APEX1: variants seen among roughly 807,000 people sequenced by gnomAD.
The protein encoded by APEX1 is DNA repair nuclease/redox regulator APEX1.
In APEX1, 32 loss-of-function variants were observed where a neutral mutation model predicts 33.2. The observed-to-expected ratio is 0.96, with a 90% CI of 0.73 to 1.29. The LOEUF is 1.29. APEX1 is among the 50% of genes most tolerant of loss of function. The pLI is 0.00. For synonymous variants in APEX1, 175 were observed against 156.6 expected (o/e 1.12, Z -0.88); for missense variants, 442 against 395.6 (o/e 1.12, Z -0.99).
In APEX1 at chr14:20,455,614, G is replaced by T. The variant is rs775333541; in HGVS notation, c.-32G>T. On this transcript the variant is annotated 5_prime_UTR_variant, in exon 2 of 5. Transcript: ENST00000216714. ...AAAATATTGCTTCGGTGGGTGACGC[G>T]GTACAGCTGCCCAAGGGCGTTCGTA... 4.3e-6 allele frequency: 7 copies of T among 1,612,602 alleles called. No homozygotes were observed. Among genetic ancestry groups the T allele is most frequent in the Non-Finnish European group, 5.9e-6 (7 of 1,180,028 alleles).
chr14:20,456,697 G>A lies in APEX1; in HGVS notation c.276G>A (p.Leu92=). The A allele has an allele frequency of 1.2e-6, 2 of 1,614,204 alleles. No homozygotes were observed. The highest frequency in any genetic ancestry group is 1.7e-6 in the Non-Finnish European group (2 of 1,180,040). Residue 92 remains leucine (L), a synonymous_variant, in exon 4 of 5, where the codon CTG becomes CTA. Coordinates refer to ENST00000216714, the MANE Select transcript of APEX1 (RefSeq NM_001641.4). The stretch of plus-strand genomic sequence containing the variant: ...TAAAGGAAGAAGCCCCAGATATACT[G>A]TGCCTTCAAGAGACCAAATGTTCAG... The part of the protein sequence containing the change: ...DWVKEEAPDI[L]CLQETKCSEN...
At chr14:20,456,211 G>C in intron 3 of APEX1, 110 bp downstream of exon 3, 2 of 1,253,370 alleles carry the variant, frequency 1.6e-6, no homozygotes, top group Non-Finnish European at 2.3e-6. Context: ...TCTCCTGCCC[G>C]TAGTTTTCTG....
chr14:20,457,003 A>C lies in APEX1; in HGVS notation c.452A>C (p.His151Pro), dbSNP rs1018358642. 2.5e-6 allele frequency: 4 copies of C among 1,613,918 alleles called. No homozygotes were observed. In the African/African-American group the frequency reaches 5.3e-5, roughly 22 times the overall value. The stretch of plus-strand genomic sequence containing the variant: ...TTCATTTCTATAGGCGATGAGGAGC[A>C]TGATCAGGAAGGCCGGGTGATTGTG... ...KVSYGIGDEE[H>P]DQEGRVIVAE... The change falls in exon 5 of 5, where the codon CAT (histidine) becomes CCT (proline). Residue 151 changes from histidine to proline, a missense_variant. Physicochemically the swap from His to Pro is moderately conservative, Grantham distance 77. Transcript: ENST00000216714.
Position 20,455,496 on chromosome 14 carries a change from G to A in APEX1, c.-68-82G>A. On this transcript the variant is annotated intron_variant, in intron 1 of 4. Transcript: ENST00000216714. ...GATTTAGAGATAACGTGGTTTGAAA[G>A]GCGGGACCTGGTGCGGGGACGCTCT... The A allele has an allele frequency of 2.3e-6, 3 of 1,321,938 alleles. No homozygotes were observed. In the African/African-American group the frequency reaches 4.4e-5, roughly 19 times the overall value. 81.9% of individuals were successfully genotyped at this position (1,321,938 alleles called of 1,614,324 possible). A position where few individuals can be genotyped will look rare whatever the true frequency, so the allele number is the denominator to read the frequency against.
chr14:20,457,265 A>T lies in APEX1; in HGVS notation c.714A>T (p.Gln238His). Residue 238 changes from glutamine to histidine, a missense_variant, in exon 5 of 5, where the codon CAA becomes CAT. Gln to His is a conservative substitution (Grantham distance 24). Coordinates refer to ENST00000216714, the MANE Select transcript of APEX1 (RefSeq NM_001641.4). ...CTGGCTTCACGCCACAAGAGCGCCAAGGCTTCGGGGAATTACTGCAGGCTG... is the reference window on the plus strand; with the variant it reads ...CTGGCTTCACGCCACAAGAGCGCCATGGCTTCGGGGAATTACTGCAGGCTG... ...KNAGFTPQER[Q>H]GFGELLQAVP... The T allele has an allele frequency of 6.2e-7, 1 of 1,614,274 alleles. No homozygotes were observed. Among genetic ancestry groups the T allele is most frequent in the African/African-American group, 1.3e-5 (1 of 75,076 alleles).
Position 20,455,684 on chromosome 14 carries a change from CG to C in APEX1, c.43del (p.Asp15MetfsTer67), listed in dbSNP as rs1361711701. On this transcript the variant is annotated frameshift_variant, in exon 2 of 5. Transcript: ENST00000216714. LOFTEE classifies it high-confidence loss of function. ...GGAAAAAGGGAGCGGTGGCGGAAGA[CG>C]GGGATGAGCTCAGGACAGGTAAGGG... ...RGKKGAVAED[G>X]DELRTEPEAK... 1.2e-6 allele frequency: 2 copies of C among 1,613,984 alleles called. No individual in the cohort carries two copies. The highest frequency in any genetic ancestry group is 2.7e-5 in the African/African-American group (2 of 74,912).
At chr14:20,455,748 GGT>G in intron 2 of APEX1, 45 bp downstream of exon 2, 2 of 1,614,106 alleles carry the variant, frequency 1.2e-6, no homozygotes, top group Non-Finnish European at 1.7e-6. Flanking sequence ...CTGCGGCGGG[GGT>G]GTTTGTCATT....
In APEX1 at chr14:20,457,393, G is replaced by A. The variant is rs1881454772; in HGVS notation, c.842G>A (p.Arg281His). The A allele has an allele frequency of 3.1e-6, 5 of 1,614,022 alleles. No individual in the cohort carries two copies. The highest frequency in any genetic ancestry group is 1.3e-5 in the African/African-American group (1 of 74,904). ...MNARSKNVGW[R>H]LDYFLLSHSL... ...GCTCGATCCAAGAATGTTGGTTGGC[G>A]CCTTGATTACTTTTTGTTGTCCCAC... Residue 281 changes from arginine (R) to histidine (H), a missense_variant, in exon 5 of 5, where the codon CGC (arginine) becomes CAC (histidine). Coordinates refer to ENST00000216714, the MANE Select transcript of APEX1 (RefSeq NM_001641.4).
rs1881264250 is a variant in APEX1, at chr14:20,455,308, G to C, written c.-155G>C. The C allele has an allele frequency of 2.2e-6, 1 of 451,846 alleles. No homozygotes were observed. Among genetic ancestry groups the C allele is most frequent in the Admixed American group, 3.5e-5 (1 of 28,246 alleles). 28.0% of individuals were successfully genotyped at this position (451,846 alleles called of 1,614,324 possible). On this transcript the variant is annotated 5_prime_UTR_variant, in exon 1 of 5. Transcript: ENST00000216714. ...GGTTGCTCTTTTGCTCATAAGAGGGGCTTCGCTGGCAGTCTGAACGGCAAG... is the reference window on the plus strand; with the variant it reads ...GGTTGCTCTTTTGCTCATAAGAGGGCCTTCGCTGGCAGTCTGAACGGCAAG...
rs1156842287 is a variant in APEX1 at position 20,457,629 on chromosome 14, A to G, written c.*121A>G. The stretch of plus-strand genomic sequence containing the variant: ...CATGTATAAAACTAGGAATCCTCCA[A>G]CCAGGCTCCTGTGATAGAGTTCTTT... On this transcript the variant is annotated 3_prime_UTR_variant, in exon 5 of 5. Transcript: ENST00000216714. 5.8e-6 allele frequency: 8 copies of G among 1,383,962 alleles called. No individual in the cohort carries two copies. The highest frequency in any genetic ancestry group is 2.8e-5 in the African/African-American group (2 of 70,522). 85.7% of individuals were successfully genotyped at this position (1,383,962 alleles called of 1,614,324 possible).
In APEX1 at chr14:20,455,866, A is replaced by G. The variant is rs531314536; in HGVS notation, c.59-48A>G. ...GGGTCTATAGTTAACGCCGGATCGC[A>G]GTTGGAAACCACCAGCTTTTTGTCA... On this transcript the variant is annotated intron_variant, in intron 2 of 4. Coordinates refer to ENST00000216714, the MANE Select transcript of APEX1 (RefSeq NM_001641.4). 10 of 1,613,808 alleles carry G rather than the reference A, an allele frequency of 6.2e-6. No individual in the cohort carries two copies. In the East Asian group the frequency reaches 6.7e-5, roughly 11 times the overall value.
In APEX1 at chr14:20,455,702, A is replaced by T. The variant is rs748497625; in HGVS notation, c.57A>T (p.Thr19=). The T allele has an allele frequency of 6.2e-6, 10 of 1,614,076 alleles. No homozygotes were observed. The highest frequency in any genetic ancestry group is 8.5e-6 in the Non-Finnish European group (10 of 1,180,038). The change falls in exon 2 of 5, where the codon ACA becomes ACT. Residue 19 remains threonine (T), a splice_region_variant and synonymous_variant. Transcript: ENST00000216714. ...CGGAAGACGGGGATGAGCTCAGGAC[A>T]GGTAAGGGAATGAAATCAGCCCTTC... The part of the protein sequence containing the change: ...AVAEDGDELR[T]EPEAKKSKTA...
Position 20,456,569 on chromosome 14 carries a change from CTG to C in APEX1, c.247-97_247-96del. ...GACTCGAACTCCTTAGGCCAAGAGA[CTG>C]TTTAACCCGTGCGTATCTATGACTT... On this transcript the variant is annotated intron_variant, in intron 3 of 4. Coordinates refer to ENST00000216714, the MANE Select transcript of APEX1 (RefSeq NM_001641.4). The C allele has an allele frequency of 4.3e-6, 5 of 1,161,220 alleles. No individual in the cohort carries two copies. The South Asian group carries it at 6.3e-5, about 15-fold the overall frequency. 71.9% of individuals were successfully genotyped at this position (1,161,220 alleles called of 1,614,324 possible). A position where few individuals can be genotyped will look rare whatever the true frequency, so the allele number is the denominator to read the frequency against.
rs997566978 is a variant in APEX1 at position 20,455,239 on chromosome 14, G to C, written c.-224G>C. 5.6e-6 allele frequency: 2 copies of C among 357,106 alleles called. No homozygotes were observed. The highest frequency in any genetic ancestry group is 4.2e-5 in the African/African-American group (2 of 47,966). The allele number at this position is 357,106 out of a possible 1,614,324, so 22.1% of individuals were successfully genotyped here. A position where few individuals can be genotyped will look rare whatever the true frequency, so the allele number is the denominator to read the frequency against. On this transcript the variant is annotated 5_prime_UTR_variant, in exon 1 of 5. Coordinates refer to ENST00000216714, the MANE Select transcript of APEX1 (RefSeq NM_001641.4). ...TCAGCGTGCACCCTTCTTTGTGCTC[G>C]GGTTAGGAGGAGCTAGGCTGCCATC...
intron 2 of APEX1, 51 bp from the exon 3 acceptor site, chr14:20,455,863 C>T (rs1292447778): frequency 1.9e-6 from 3 of 1,613,524 alleles, no homozygotes; most frequent in South Asian, 2.2e-5. Context: ...AACGCCGGAT[C>T]GCAGTTGGAA....
chr14:20,457,483 C>A lies in APEX1; in HGVS notation c.932C>A (p.Pro311His). Residue 311 changes from proline (P) to histidine (H), a missense_variant, in exon 5 of 5, where the codon CCT becomes CAT. Transcript: ENST00000216714. ...RSKALGSDHC[P>H]ITLYLAL is the part of the protein sequence containing the mutation. Reference sequence around the variant, plus strand: ...AAGGCCCTCGGCAGTGATCACTGTCCTATCACCCTATACCTAGCACTGTGA... The same window carrying A: ...AAGGCCCTCGGCAGTGATCACTGTCATATCACCCTATACCTAGCACTGTGA... 6.2e-7 allele frequency: 1 copy of A among 1,614,122 alleles called. No homozygotes were observed. Among genetic ancestry groups the A allele is most frequent in the Non-Finnish European group, 8.5e-7 (1 of 1,180,030 alleles).
At chr14:20,456,909 T>C (rs1195175848) in intron 4 of APEX1, 49 bp downstream of exon 4, 1 of 1,604,804 alleles carries the variant, frequency 6.2e-7, no homozygotes. Context: ...AACCAATTGC[T>C]AATTCTCTAT....
intron 2 of APEX1, 28 bp downstream of exon 2, chr14:20,455,731 C>T (rs760532371): frequency 1.2e-6 from 2 of 1,614,178 alleles, no homozygotes; most frequent in South Asian, 1.1e-5. Flanking sequence ...GCCCTTCTTC[C>T]TAGAAGCTGC....
rs542006752 is a variant in APEX1, at chr14:20,455,595, T to C, written c.-51T>C. 3.7e-6 allele frequency: 6 copies of C among 1,612,372 alleles called. No homozygotes were observed. The highest frequency in any genetic ancestry group is 3.3e-5 in the South Asian group (3 of 90,998). ...GTCTGTAGGCAACGCGGTAAAAATATTGCTTCGGTGGGTGACGCGGTACAG... is the reference window on the plus strand; with the variant it reads ...GTCTGTAGGCAACGCGGTAAAAATACTGCTTCGGTGGGTGACGCGGTACAG... On this transcript the variant is annotated 5_prime_UTR_variant, in exon 2 of 5. Coordinates refer to ENST00000216714, the MANE Select transcript of APEX1 (RefSeq NM_001641.4).
Sources: allele counts gnomAD v4.1 joint callset, GRCh38; gene constraint gnomAD v4.1.1; transcripts MANE v1.5; gene names NCBI Gene and HGNC (gene_info 2026-07-23, HGNC 2026-07-21).